LTBP1: variants seen among roughly 807,000 people sequenced by gnomAD.
LTBP1 encodes the protein latent transforming growth factor beta binding protein 1.
In LTBP1, 129 loss-of-function variants were observed where a neutral mutation model predicts 207.6. The observed-to-expected ratio is 0.62, with a 90% CI of 0.54 to 0.72. LTBP1 has a LOEUF of 0.72. Among genes scored for constraint, LTBP1 ranks in the 30% least tolerant of loss-of-function variants. LTBP1 has a pLI of 0.00. For missense variants in LTBP1, 2,281 were observed against 2,217.2 expected, an observed-to-expected ratio of 1.03 and a Z score of -0.58; for synonymous variants, 963 against 833.7, an observed-to-expected ratio of 1.16 and a Z score of -2.67.
rs1412759973 is a variant in LTBP1 at position 32,948,873 on chromosome 2, A to C, written c.495-2A>C. ...GGACTCAGCGATCTTGCTTTGTTTC[A>C]GGGTCAATGTCTGTGGAGGGCGGTG... On this transcript the variant is annotated splice_acceptor_variant, in intron 1 of 33. Coordinates refer to ENST00000404816, the MANE Select transcript of LTBP1 (RefSeq NM_206943.4). LOFTEE classifies it high-confidence loss of function. 1.2e-6 allele frequency: 2 copies of C among 1,613,894 alleles called. No individual in the cohort carries two copies. The highest frequency in any genetic ancestry group is 1.3e-5 in the African/African-American group (1 of 74,896).
intron 6 of LTBP1, 145 bp from the exon 7 acceptor site, chr2:33,188,427 CAAAAA>C (rs577171233): frequency 2.8e-4 from 98 of 349,740 alleles, no homozygotes; most frequent in African/African-American, 9.9e-4. Context: ...AACTCCATCT[CAAAAA>C]AAAAAAAAAA....
At chr2:33,228,697 C>CTTTTTTTTTTTTTTTTTT (rs1244221993) in intron 9 of LTBP1, among the ~76,000 whole-genome samples, 4,660 of 98,800 alleles carry the variant, frequency 0.047, 1,080 homozygotes, top group Admixed American at 0.06. Flanking sequence ...GGGTTATACC[C>CTTTTTTTTTTTTTTTTTT]TTTTTTTTTT....
Position 33,228,675 on chromosome 2 carries a change from T to C in LTBP1, c.1876+6524T>C, listed in dbSNP as rs530614393. Among the ~76,000 whole-genome samples the C allele has an allele frequency of 1.0e-4, 15 of 145,266 alleles. No individual in the cohort carries two copies. In the East Asian group the frequency reaches 2.5e-3, roughly 24 times the overall value. ...TTCCCAGGGTCACAAAGATAGTTAA[T>C]AAGCCCAACCAGGGTTATACCCTTT... On this transcript the variant is annotated intron_variant, in intron 9 of 33. Coordinates refer to ENST00000404816, the MANE Select transcript of LTBP1 (RefSeq NM_206943.4).
At chr2:32,965,749 C>T (rs1045253381) in intron 2 of LTBP1, among the ~76,000 whole-genome samples, 1 of 152,154 alleles carries the variant, frequency 6.6e-6, no homozygotes, top group African/African-American at 2.4e-5. Context: ...TTTGTCACTT[C>T]CAAGTTCTGG....
chr2:33,285,300 C>T (rs988627543), intron 19 of LTBP1, among the ~76,000 whole-genome samples: 5 of 151,738 alleles, frequency 3.3e-5, no homozygotes, highest in African/African-American at 4.8e-5. Flanking sequence ...TCTCAGTCCC[C>T]GAAAGTGCTG....
chr2:33,168,399 CA>C (rs10616798), intron 5 of LTBP1, among the ~76,000 whole-genome samples: 41,951 of 103,558 alleles, frequency 0.41, 4,819 homozygotes, highest in Admixed American at 0.46. Context: ...GTCTTTGTCT[CA>C]AAAAAAAAAA....
chr2:33,230,794 T>C (rs1221540606), intron 9 of LTBP1, among the ~76,000 whole-genome samples: 2 of 152,240 alleles, frequency 1.3e-5, no homozygotes, highest in Non-Finnish European at 2.9e-5. Context: ...TGAGTGATTT[T>C]ATTAAAAGCA....
At chr2:33,052,219 C>T (rs1325902391) in intron 3 of LTBP1, among the ~76,000 whole-genome samples, 1 of 152,240 alleles carries the variant, frequency 6.6e-6, no homozygotes, top group African/African-American at 2.4e-5. Context: ...AACCCATGAG[C>T]TCTCTCATTC....
chr2:33,029,199 G>A (rs1372029673), intron 3 of LTBP1, among the ~76,000 whole-genome samples: 1 of 152,086 alleles, frequency 6.6e-6, no homozygotes, highest in Non-Finnish European at 1.5e-5. Flanking sequence ...TTATTTGTCC[G>A]GGCGTGATGG....
chr2:33,192,384 C>G (rs1273483387), intron 7 of LTBP1, among the ~76,000 whole-genome samples: 2 of 152,056 alleles, frequency 1.3e-5, no homozygotes, highest in Non-Finnish European at 2.9e-5. Flanking sequence ...TATATCTAAC[C>G]TGAATCTAAT....
intron 2 of LTBP1, among the ~76,000 whole-genome samples, chr2:33,001,677 A>G (rs1433631965): frequency 7.4e-6 from 1 of 134,328 alleles, no homozygotes; most frequent in East Asian, 3.8e-4. Flanking sequence ...CATTTATGAT[A>G]TTGTTTCTGC....
At chr2:33,368,970 G>A (rs1160174361) in intron 31 of LTBP1, among the ~76,000 whole-genome samples, 2 of 152,118 alleles carry the variant, frequency 1.3e-5, no homozygotes, top group Non-Finnish European at 2.9e-5. Context: ...ATTTTGTTAT[G>A]AGAAATGAAT....
At chr2:33,210,908 G>A (rs1362545572) in intron 7 of LTBP1, among the ~76,000 whole-genome samples, 1 of 152,160 alleles carries the variant, frequency 6.6e-6, no homozygotes, top group Non-Finnish European at 1.5e-5. Flanking sequence ...GAGTTACAAT[G>A]AATCAGACTT....
intron 10 of LTBP1, among the ~76,000 whole-genome samples, chr2:33,247,184 A>T (rs1221147020): frequency 6.6e-6 from 1 of 152,232 alleles, no homozygotes; most frequent in Non-Finnish European, 1.5e-5. Flanking sequence ...ATGGAGGGTT[A>T]GAGAGAAGAT....
intron 15 of LTBP1, among the ~76,000 whole-genome samples, chr2:33,270,183 G>T (rs1234146867): frequency 6.6e-6 from 1 of 151,870 alleles, no homozygotes; most frequent in Non-Finnish European, 1.5e-5. Context: ...GCCTCCCAAA[G>T]TGCTGGGATT....
chr2:33,373,550 G>A (rs1020094148), intron 31 of LTBP1, among the ~76,000 whole-genome samples: 3 of 152,150 alleles, frequency 2.0e-5, no homozygotes, highest in African/African-American at 7.2e-5. Context: ...CTGTGCTATA[G>A]GGGAATAGAA....
chr2:33,174,658 T>G (rs1404075025), intron 5 of LTBP1, among the ~76,000 whole-genome samples: 6 of 152,046 alleles, frequency 3.9e-5, no homozygotes, highest in Admixed American at 3.9e-4. Context: ...AAAAACTACT[T>G]TAAAGTTCAT....
At chr2:33,300,423 A>G (rs1440332826) in intron 20 of LTBP1, 28 bp from the exon 21 acceptor site, 1 of 1,608,162 alleles carries the variant, frequency 6.2e-7, no homozygotes, top group Admixed American at 1.7e-5. Context: ...TCTCTTTTTC[A>G]GAAAAATTGC....
Position 33,365,626 on chromosome 2 carries a change from C to CGTGTGTGTGTGTGTGTGTGT in LTBP1, c.4711+128_4711+147dup, listed in dbSNP as rs144867482. On this transcript the variant is annotated intron_variant, in intron 31 of 33. Transcript: ENST00000404816. ...CACTCCTGATATCTTACTTTCATCC[C>CGTGTGTGTGTGTGTGTGTGT]GTGTGTGTGTGTGTGTGTGTGTGTA... 7.7e-5 allele frequency: 55 copies of CGTGTGTGTGTGTGTGTGTGT among 712,016 alleles called. No individual in the cohort carries two copies. The African/African-American group carries it at 9.0e-4, about 12-fold the overall frequency. 44.1% of individuals were successfully genotyped at this position (712,016 alleles called of 1,614,324 possible).
Sources: gnomAD v4.1 joint callset for allele counts (sites outside exome capture counted in the v4.1 genomes callset) on GRCh38, gnomAD v4.1.1 for gene constraint, MANE v1.5 for transcripts, NCBI Gene and HGNC (gene_info 2026-07-23, HGNC 2026-07-21) for gene names.